Variants in MAP1S observed in about 807,000 individuals in gnomAD.
MAP1S encodes the protein microtubule-associated protein 1S.
In MAP1S, 27 loss-of-function variants were observed where a neutral mutation model predicts 60.9. The ratio of observed to expected loss-of-function variants is 0.44; its 90% CI spans 0.33 to 0.61. The LOEUF (loss-of-function observed/expected upper bound fraction) is 0.61, where lower values mean the gene tolerates loss of function less well. Among genes scored for constraint, MAP1S ranks in the 20% least tolerant of loss-of-function variants. The pLI, the probability that MAP1S is intolerant of heterozygous loss-of-function variation, is 0.03. For synonymous variants in MAP1S, 826 were observed against 694.2 expected, an observed-to-expected ratio of 1.19 and a Z score of -2.98; for missense variants, 1,608 against 1,486.6, an observed-to-expected ratio of 1.08 and a Z score of -1.34.
At position 17,726,765 on chromosome 19, in the gene MAP1S, C is replaced by T. The variant is rs1366809279; in HGVS notation, c.1381C>T (p.Pro461Ser). The T allele has an allele frequency of 1.3e-6, 2 of 1,560,800 alleles. No individual in the cohort carries two copies. Among genetic ancestry groups the T allele is most frequent in the Non-Finnish European group, 1.7e-6 (2 of 1,156,550 alleles). Residue 461 changes from proline to serine, a missense_variant, in exon 5 of 7, where the codon CCC (proline) becomes TCC (serine). Physicochemically the swap from Pro to Ser is moderately conservative, Grantham distance 74 (BLOSUM62 -1). Transcript: ENST00000324096. ...GTTCCTGCGAGAGCCCGTGGTGACG[C>T]CCCAGGACCTGGAGGGGCCGGGGCG... ...LRFLREPVVT[P>S]QDLEGPGRAE... is the part of the protein sequence containing the mutation.
intron 5 of MAP1S, among the ~76,000 whole-genome samples, chr19:17,730,251 T>C (rs1349386841): frequency 6.6e-6 from 1 of 152,254 alleles, no homozygotes; most frequent in Non-Finnish European, 1.5e-5. Flanking sequence ...TCTTTTCATA[T>C]GCCTATTGGC....
At chr19:17,719,950 G>T in intron 1 of MAP1S, 1 of 230,316 alleles carries the variant, frequency 4.3e-6, no homozygotes, top group Non-Finnish European at 7.3e-6. Context: ...CTTCCCGCCT[G>T]ACTGGCCTGC....
At chr19:17,724,552 C>A (rs778224224) in intron 3 of MAP1S, among the ~76,000 whole-genome samples, 4 of 152,194 alleles carry the variant, frequency 2.6e-5, no homozygotes, top group Admixed American at 6.5e-5. Flanking sequence ...AATCGACTCA[C>A]TAACATTAAC....
intron 2 of MAP1S, 128 bp from the exon 3 acceptor site, chr19:17,723,998 C>T: frequency 1.5e-6 from 1 of 678,318 alleles, no homozygotes; most frequent in Non-Finnish European, 2.6e-6. Context: ...TGGTCCTGAC[C>T]TGCAGCTCTG....
intron 1 of MAP1S, chr19:17,720,669 A>T: frequency 1.5e-6 from 1 of 671,608 alleles, no homozygotes; most frequent in Non-Finnish European, 2.5e-6. Context: ...CGGGTCTGGC[A>T]GGGCATAGGA....
In MAP1S at chr19:17,726,948, C is replaced by T. The variant is rs1032623295; in HGVS notation, c.1564C>T (p.Pro522Ser). 8 of 1,572,632 alleles carry T rather than the reference C, an allele frequency of 5.1e-6. No homozygotes were observed. Among genetic ancestry groups the T allele is most frequent in the African/African-American group, 1.3e-5 (1 of 74,088 alleles). Residue 522 changes from proline to serine, a missense_variant, in exon 5 of 7, where the codon CCC becomes TCC. Pro to Ser is a moderately conservative substitution (Grantham distance 74, BLOSUM62 -1). This residue lies in a region of MAP1S where 1,167 missense variants were observed against 961.4 expected (regional missense o/e 1.21). Transcript: ENST00000324096. ...PRKTEKEAKT[P>S]RELKKDPKPS... Reference sequence around the variant, plus strand: ...CAAGACTGAGAAAGAAGCCAAGACCCCCCGGGAGTTGAAGAAAGACCCCAA... The same window carrying T: ...CAAGACTGAGAAAGAAGCCAAGACCTCCCGGGAGTTGAAGAAAGACCCCAA...
chr19:17,727,957 A>T lies in MAP1S; in HGVS notation c.2573A>T (p.Asn858Ile), dbSNP rs373696389. The T allele has an allele frequency of 1.9e-6, 3 of 1,607,174 alleles. No individual in the cohort carries two copies. The highest frequency in any genetic ancestry group is 2.2e-5 in the South Asian group (2 of 90,748). Residue 858 changes from asparagine to isoleucine, a missense_variant, in exon 5 of 7, where the codon AAC becomes ATC. Physicochemically the swap from Asn to Ile is moderately radical, Grantham distance 149 (BLOSUM62 -3). Transcript: ENST00000324096. The surrounding 1 kb of genome is among the most constrained non-coding windows in gnomAD (Gnocchi z 4.1). ...LPPKTARQTE[N>I]VSRTRKPLAR... ...CCCAAGACAGCACGGCAAACGGAGA[A>T]CGTCAGCCGCACCCGGAAGCCCCTG...
Position 17,734,332 on chromosome 19 carries a change from C to T in MAP1S, c.3084C>T (p.His1028=), listed in dbSNP as rs1372937187. 2.3e-5 allele frequency: 37 copies of T among 1,613,792 alleles called. No individual in the cohort carries two copies. Among genetic ancestry groups the T allele is most frequent in the Non-Finnish European group, 3.0e-5 (35 of 1,179,972 alleles). The part of the protein sequence containing the change: ...VAMHTWYAET[H]ARHQALGITV... Reference sequence around the variant, plus strand: ...TGCATACGTGGTACGCAGAGACGCACGCCCGGCACCAGGCGCTGGGCATCA... The same window carrying T: ...TGCATACGTGGTACGCAGAGACGCATGCCCGGCACCAGGCGCTGGGCATCA... The change falls in exon 7 of 7, where the codon CAC becomes CAT. Residue 1028 remains histidine, a synonymous_variant. Transcript: ENST00000324096.
rs1216082090 is a variant in MAP1S at position 17,727,492 on chromosome 19, A to G, written c.2108A>G (p.Glu703Gly). 6.2e-7 allele frequency: 1 copy of G among 1,610,868 alleles called. No homozygotes were observed. The highest frequency in any genetic ancestry group is 8.5e-7 in the Non-Finnish European group (1 of 1,179,168). The change falls in exon 5 of 7, where the codon GAG (glutamate) becomes GGG (glycine). Residue 703 changes from glutamate to glycine, a missense_variant. Coordinates refer to ENST00000324096, the MANE Select transcript of MAP1S (RefSeq NM_018174.6). This position sits in a 1 kb window ranked among gnomAD's most constrained non-coding sequence, Gnocchi z 4.1. ...EVDESLSVSF[E>G]QVLPPSAPTS... ...GACGAGTCCCTGTCGGTGTCCTTTGAGCAGGTGCTGCCGCCATCCGCCCCC... is the reference window on the plus strand; with the variant it reads ...GACGAGTCCCTGTCGGTGTCCTTTGGGCAGGTGCTGCCGCCATCCGCCCCC...
rs540583679 is a variant in MAP1S at position 17,722,798 on chromosome 19, GGAGA to G, written c.221-1317_221-1314del. Among the ~76,000 whole-genome samples, 1,471 of 149,642 alleles carry G rather than the reference GGAGA, an allele frequency of 9.8e-3. 19 individuals are homozygous for G. Among genetic ancestry groups the G allele is most frequent in the Non-Finnish European group, 0.018 (1,198 of 67,144 alleles). ...GGGAGGGAGGGAGGGGGAGAGGGAG[GGAGA>G]GAGAGAGAGAAAGGAAAGAGAAAGC... On this transcript the variant is annotated intron_variant, in intron 2 of 6. Coordinates refer to ENST00000324096, the MANE Select transcript of MAP1S (RefSeq NM_018174.6).
rs1028795827 is a variant in MAP1S at position 17,727,736 on chromosome 19, C to T, written c.2352C>T (p.Pro784=). Residue 784 remains proline (P), a synonymous_variant, in exon 5 of 7, where the codon CCC becomes CCT. Transcript: ENST00000324096. This position sits in a 1 kb window ranked among gnomAD's most constrained non-coding sequence, Gnocchi z 4.1. ...AGGLGAEETP[P]TSVSESLPTL... Reference sequence around the variant, plus strand: ...GGCTGGGGGCCGAGGAGACGCCACCCACATCGGTCAGCGAGTCCCTGCCCA... The same window carrying T: ...GGCTGGGGGCCGAGGAGACGCCACCTACATCGGTCAGCGAGTCCCTGCCCA... 17 of 1,606,260 alleles carry T rather than the reference C, an allele frequency of 1.1e-5. No individual in the cohort carries two copies. The Admixed American group carries it at 2.0e-4, about 19-fold the overall frequency.
At chr19:17,724,438 C>T (rs899600022) in intron 3 of MAP1S, among the ~76,000 whole-genome samples, 8 of 152,150 alleles carry the variant, frequency 5.3e-5, no homozygotes, top group Admixed American at 5.2e-4. Context: ...GGTAAGCACT[C>T]CCAGCTCAGG....
intron 2 of MAP1S, 99 bp from the exon 3 acceptor site, chr19:17,724,027 C>T (rs1258906387): frequency 1.3e-5 from 11 of 853,370 alleles, no homozygotes; most frequent in Admixed American, 2.0e-5. Flanking sequence ...CTGTTAATCT[C>T]CATATGATCC....
In MAP1S at chr19:17,727,388, C is replaced by G; in HGVS notation, c.2004C>G (p.Ala668=). Residue 668 remains alanine, a synonymous_variant, in exon 5 of 7, where the codon GCC becomes GCG. Coordinates refer to ENST00000324096, the MANE Select transcript of MAP1S (RefSeq NM_018174.6). This position sits in a 1 kb window ranked among gnomAD's most constrained non-coding sequence, Gnocchi z 4.1. The part of the protein sequence containing the change: ...PLRGGEAGPD[A]SPTVTTPTVT... ...GGGGCGGGGAGGCCGGGCCAGACGCCTCACCCACAGTGACCACACCCACGG... is the reference window on the plus strand; with the variant it reads ...GGGGCGGGGAGGCCGGGCCAGACGCGTCACCCACAGTGACCACACCCACGG... 6.3e-7 allele frequency: 1 copy of G among 1,594,336 alleles called. No homozygotes were observed. Among genetic ancestry groups the G allele is most frequent in the East Asian group, 2.3e-5 (1 of 43,706 alleles).
Position 17,725,992 on chromosome 19 carries a change from ACT to A in MAP1S, c.611_612del (p.Ser204Ter). On this transcript the variant is annotated frameshift_variant, in exon 5 of 7. Coordinates refer to ENST00000324096, the MANE Select transcript of MAP1S (RefSeq NM_018174.6). LOFTEE classifies it high-confidence loss of function. The surrounding 1 kb of genome is among the most constrained non-coding windows in gnomAD (Gnocchi z 4.2). Reference sequence around the variant, plus strand: ...CTGAACCCCCCGGCGCAGCTGCCCAACTCTGAGGGCCTGTGCGAATTCCTGGA... The same window carrying A: ...CTGAACCCCCCGGCGCAGCTGCCCAACTGAGGGCCTGTGCGAATTCCTGGA... 6.2e-7 allele frequency: 1 copy of A among 1,612,118 alleles called. No homozygotes were observed. The highest frequency in any genetic ancestry group is 8.5e-7 in the Non-Finnish European group (1 of 1,179,280).
Position 17,728,152 on chromosome 19 carries a change from C to A in MAP1S, c.2768C>A (p.Thr923Asn), listed in dbSNP as rs747736494. Reference sequence around the variant, plus strand: ...TCCAGAAAGTCCTCAACCCCCAAGACTGCCACTCGAGGCCCGTCGGGTGAG... The same window carrying A: ...TCCAGAAAGTCCTCAACCCCCAAGAATGCCACTCGAGGCCCGTCGGGTGAG... ...PLSRKSSTPK[T>N]ATRGPSGSAS... Residue 923 changes from threonine to asparagine, a missense_variant, in exon 5 of 7, where the codon ACT (threonine) becomes AAT (asparagine). By Grantham distance (65) the Thr-to-Asn change is moderately conservative. Coordinates refer to ENST00000324096, the MANE Select transcript of MAP1S (RefSeq NM_018174.6). 4.4e-6 allele frequency: 7 copies of A among 1,597,644 alleles called. No homozygotes were observed. Among genetic ancestry groups the A allele is most frequent in the Non-Finnish European group, 5.1e-6 (6 of 1,169,518 alleles).
intron 1 of MAP1S, chr19:17,720,429 A>G: frequency 1.3e-6 from 2 of 1,535,054 alleles, no homozygotes; most frequent in Non-Finnish European, 1.7e-6. Flanking sequence ...CTGCCAACAC[A>G]GGTCTGGTTT....
intron 1 of MAP1S, 76 bp downstream of exon 1, chr19:17,719,696 TGGG>T: frequency 2.8e-6 from 2 of 719,962 alleles, no homozygotes; most frequent in Non-Finnish European, 3.4e-6. Context: ...GCCGGCGGGG[TGGG>T]GCGGCGGCGG....
intron 5 of MAP1S, among the ~76,000 whole-genome samples, chr19:17,730,059 C>T (rs1287156610): frequency 2.0e-5 from 3 of 152,146 alleles, no homozygotes; most frequent in South Asian, 2.1e-4. Flanking sequence ...CCTTTGGCCT[C>T]GGCCTCCCAA....
Sources: allele counts gnomAD v4.1 joint callset (sites outside exome capture counted in the v4.1 genomes callset), GRCh38; gene constraint gnomAD v4.1.1; regional missense constraint gnomAD v4.1.1; non-coding constraint Gnocchi (gnomAD v3.1); transcripts MANE v1.5; gene names NCBI Gene and HGNC (gene_info 2026-07-23, HGNC 2026-07-21).